VRK1: variants seen among roughly 807,000 people sequenced by gnomAD.
The protein encoded by VRK1 is serine/threonine-protein kinase VRK1.
Under a neutral mutation model 57.1 loss-of-function variants are expected in VRK1, and 33 were observed. That is an observed-to-expected ratio of 0.58 (90% confidence interval 0.44 to 0.77). The LOEUF is 0.77. Among genes scored for constraint, VRK1 ranks in the 30% least tolerant of loss-of-function variants. The pLI is 0.00. For missense variants in VRK1, 413 were observed against 477.3 expected, an observed-to-expected ratio of 0.87 and a Z score of 1.25; for synonymous variants, 137 against 147.8, an observed-to-expected ratio of 0.93 and a Z score of 0.53.
At chr14:96,877,657 A>G (rs918653885) in intron 12 of VRK1, 8 of 1,283,854 alleles carry the variant, frequency 6.2e-6, no homozygotes, top group East Asian at 5.6e-5. Flanking sequence ...AAAACTGGCA[A>G]TTTTAGTTTC....
At chr14:96,804,768 T>G (rs929308467) in intron 1 of VRK1, among the ~76,000 whole-genome samples, 1 of 152,370 alleles carries the variant, frequency 6.6e-6, no homozygotes, top group East Asian at 1.9e-4. Flanking sequence ...CTTACAACTT[T>G]GTTTTACAAA....
At chr14:96,831,449 G>A (rs538796235) in intron 1 of VRK1, among the ~76,000 whole-genome samples, 53 of 152,306 alleles carry the variant, frequency 3.5e-4, no homozygotes, top group African/African-American at 1.2e-3. Flanking sequence ...CAGCGATGAC[G>A]CTGTTCTGTG....
chr14:96,826,158 A>G (rs1383216655), intron 1 of VRK1, among the ~76,000 whole-genome samples: 2 of 152,234 alleles, frequency 1.3e-5, no homozygotes, highest in African/African-American at 4.8e-5. Context: ...ATCTATTCAC[A>G]AAACTTTATT....
chr14:96,881,067 G>T, intron 12 of VRK1, 110 bp from the exon 13 acceptor site: 2 of 958,262 alleles, frequency 2.1e-6, no homozygotes, highest in Admixed American at 2.5e-5. Context: ...CACGAGAGTC[G>T]ATTTGATTTT....
chr14:96,798,110 C>G (rs954498963), intron 1 of VRK1, among the ~76,000 whole-genome samples: 6 of 152,142 alleles, frequency 3.9e-5, no homozygotes, highest in African/African-American at 1.4e-4. Context: ...GGGGAGGCCC[C>G]GTGATCCTGT....
intron 9 of VRK1, 45 bp downstream of exon 9, chr14:96,856,295 A>G (rs1371385760): frequency 2.5e-6 from 4 of 1,602,284 alleles, no homozygotes; most frequent in Non-Finnish European, 2.6e-6. Flanking sequence ...ATGATAAGCC[A>G]AATGTTTTTA....
Position 96,799,191 on chromosome 14 carries a change from G to T in VRK1, c.-6+1744G>T, listed in dbSNP as rs181659242. Among the ~76,000 whole-genome samples, 21 of 152,324 alleles carry T rather than the reference G, an allele frequency of 1.4e-4. No homozygotes were observed. The East Asian group carries it at 4.0e-3, about 29-fold the overall frequency. On this transcript the variant is annotated intron_variant, in intron 1 of 12. Transcript: ENST00000216639. ...CCTGGCATATAGTAAGTTAGTAAGT[G>T]CCCAGGAAATGGTTATATGGAAAGC...
chr14:96,815,065 A>G (rs2139704753), intron 1 of VRK1, among the ~76,000 whole-genome samples: 1 of 152,328 alleles, frequency 6.6e-6, no homozygotes, highest in South Asian at 2.1e-4. Flanking sequence ...AAAAGGGAGT[A>G]TGCATTTAAA....
intron 2 of VRK1, 24 bp from the exon 3 acceptor site, chr14:96,837,738 C>A: frequency 6.7e-7 from 1 of 1,497,804 alleles, no homozygotes; most frequent in Non-Finnish European, 9.1e-7. Context: ...GTTCTGATAT[C>A]AAATATTTTA....
chr14:96,835,646 T>C (rs1051667169), intron 2 of VRK1, among the ~76,000 whole-genome samples: 1 of 152,226 alleles, frequency 6.6e-6, no homozygotes, highest in Non-Finnish European at 1.5e-5. Context: ...GATCCTGTCA[T>C]GAGGATTGTC....
intron 2 of VRK1, among the ~76,000 whole-genome samples, chr14:96,836,951 AC>A (rs1454765271): frequency 6.6e-6 from 1 of 152,042 alleles, no homozygotes; most frequent in African/African-American, 2.4e-5. Flanking sequence ...GATCCCTCTT[AC>A]CATGTAGCCA....
intron 1 of VRK1, among the ~76,000 whole-genome samples, chr14:96,798,603 A>G (rs889955182): frequency 1.3e-5 from 2 of 152,066 alleles, no homozygotes; most frequent in Non-Finnish European, 2.9e-5. Flanking sequence ...GGAATTGCCC[A>G]TCTGTTGAGA....
rs201567570 is a variant in VRK1 at position 96,815,853 on chromosome 14, G to A, written c.-5-17614G>A. ...TGCAGTGAGCCATGATTCTGCTATTGCACTCAGCCTGGGTGACAGGGAGAC... is the reference window on the plus strand; with the variant it reads ...TGCAGTGAGCCATGATTCTGCTATTACACTCAGCCTGGGTGACAGGGAGAC... On this transcript the variant is annotated intron_variant, in intron 1 of 12. Transcript: ENST00000216639. 4.6e-5 allele frequency among the ~76,000 whole-genome samples: 7 copies of A among 151,836 alleles called. No homozygotes were observed. The East Asian group carries it at 1.4e-3, about 29-fold the overall frequency.
intron 11 of VRK1, among the ~76,000 whole-genome samples, chr14:96,866,252 A>G (rs1888581196): frequency 2.0e-5 from 3 of 152,162 alleles, no homozygotes; most frequent in South Asian, 4.1e-4. Context: ...GGCTTGATAT[A>G]TTGCCAATTC....
intron 11 of VRK1, among the ~76,000 whole-genome samples, chr14:96,867,611 GCTTTC>G (rs1268601388): frequency 1.1e-4 from 16 of 151,950 alleles, no homozygotes; most frequent in Admixed American, 6.6e-4. Flanking sequence ...TGTATGTGAG[GCTTTC>G]CTTTCCTTTC....
chr14:96,851,489 A>G (rs780742084), intron 5 of VRK1, among the ~76,000 whole-genome samples: 6 of 152,104 alleles, frequency 3.9e-5, no homozygotes, highest in Non-Finnish European at 8.8e-5. Context: ...ACCTCCAAAG[A>G]CCTTAGTTAT....
In VRK1 at chr14:96,847,249, A is replaced by T. The variant is rs750026152; in HGVS notation, c.287-8A>T. ...ATTGAAATCACAAAGATCTGTTTTA[A>T]TTTGTAGTTCAGAAATGGATTCGTA... On this transcript the variant is annotated splice_polypyrimidine_tract_variant and splice_region_variant and intron_variant, in intron 4 of 12. Transcript: ENST00000216639. 5 of 1,611,716 alleles carry T rather than the reference A, an allele frequency of 3.1e-6. No individual in the cohort carries two copies. Among genetic ancestry groups the T allele is most frequent in the Non-Finnish European group, 4.2e-6 (5 of 1,178,002 alleles).
At chr14:96,877,443 C>G in intron 12 of VRK1, 1 of 1,251,308 alleles carries the variant, frequency 8.0e-7, no homozygotes, top group Non-Finnish European at 1.0e-6. Flanking sequence ...CCGCTGCTGT[C>G]TTCCTTTCGC....
intron 1 of VRK1, among the ~76,000 whole-genome samples, chr14:96,799,873 T>A (rs1020108990): frequency 3.9e-5 from 6 of 152,094 alleles, no homozygotes; most frequent in Middle Eastern, 3.2e-3. Flanking sequence ...CAAGGAATTG[T>A]GCTAGGTGCA....
Sources: gnomAD v4.1 joint callset for allele counts (sites outside exome capture counted in the v4.1 genomes callset) on GRCh38, gnomAD v4.1.1 for gene constraint, MANE v1.5 for transcripts, NCBI Gene and HGNC (gene_info 2026-07-23, HGNC 2026-07-21) for gene names.